AFG2A: variants seen among roughly 807,000 people sequenced by gnomAD.
AFG2A encodes ATPase family gene 2 protein homolog A.
the AFG2A span, among the ~76,000 whole-genome samples, chr4:123,095,364 GT>G: frequency 6.6e-6 from 1 of 152,022 alleles, no homozygotes; most frequent in South Asian, 2.1e-4. Context: ...TCCTTGTCAA[GT>G]TCTCTAAAGT....
At chr4:123,262,536 A>T in the AFG2A span, among the ~76,000 whole-genome samples, 46 of 152,272 alleles carry the variant, frequency 3.0e-4, no homozygotes, top group South Asian at 7.1e-3. Flanking sequence ...GTTCCCTTTG[A>T]CGTCTCTGAA....
the AFG2A span, chr4:123,056,263 TAAAGG>T: frequency 1.2e-6 from 1 of 850,312 alleles, no homozygotes; most frequent in Non-Finnish European, 1.7e-6. Flanking sequence ...ATAAGCATGC[TAAAGG>T]GATTAATAAG....
At chr4:123,124,586 G>A in the AFG2A span, among the ~76,000 whole-genome samples, 6 of 152,004 alleles carry the variant, frequency 3.9e-5, no homozygotes, top group Admixed American at 3.9e-4. Flanking sequence ...ATGTATACAT[G>A]TGTAACAAAC....
chr4:123,075,126 A>G, the AFG2A span, among the ~76,000 whole-genome samples: 1 of 150,300 alleles, frequency 6.7e-6, no homozygotes, highest in East Asian at 2.0e-4. Context: ...GTATTTTTTC[A>G]GTAGAGACGG....
At chr4:122,993,502 T>C in the AFG2A span, among the ~76,000 whole-genome samples, 2 of 152,140 alleles carry the variant, frequency 1.3e-5, no homozygotes, top group Non-Finnish European at 2.9e-5. Flanking sequence ...TATTTTTCCA[T>C]ACCATTGTTA....
chr4:123,096,768 A>G, the AFG2A span, among the ~76,000 whole-genome samples: 2 of 152,112 alleles, frequency 1.3e-5, no homozygotes. Flanking sequence ...CCCAATTGAG[A>G]AAAATTGTGA....
chr4:123,309,479 TTAATAC>T, the AFG2A span, among the ~76,000 whole-genome samples: 39 of 152,226 alleles, frequency 2.6e-4, no homozygotes, highest in Non-Finnish European at 4.8e-4. Context: ...ACCTCACTTC[TTAATAC>T]TAGTAGCATT....
chr4:123,245,348 C>G, the AFG2A span, among the ~76,000 whole-genome samples: 12 of 152,108 alleles, frequency 7.9e-5, no homozygotes, highest in Non-Finnish European at 1.6e-4. Flanking sequence ...TTCTTCACTC[C>G]TATTCTATCT....
chr4:123,290,803 A>G, the AFG2A span, among the ~76,000 whole-genome samples: 1 of 152,180 alleles, frequency 6.6e-6, no homozygotes, highest in East Asian at 1.9e-4. Flanking sequence ...GGTTCCTCCC[A>G]CAACACAAGG....
the AFG2A span, among the ~76,000 whole-genome samples, chr4:122,996,622 T>TAGAC: frequency 6.7e-6 from 1 of 149,508 alleles, no homozygotes; most frequent in Non-Finnish European, 1.5e-5. Flanking sequence ...GATAGATAGA[T>TAGAC]AGGAGAGGAG....
the AFG2A span, among the ~76,000 whole-genome samples, chr4:123,170,609 G>T: frequency 1.3e-5 from 2 of 152,028 alleles, no homozygotes; most frequent in African/African-American, 4.8e-5. Flanking sequence ...TTAACTTAGG[G>T]TAAAGGCTAT....
At chr4:123,287,330 ATAG>A in the AFG2A span, among the ~76,000 whole-genome samples, 44 of 152,284 alleles carry the variant, frequency 2.9e-4, no homozygotes, top group Non-Finnish European at 4.6e-4. Context: ...CTTCAACTCA[ATAG>A]TAGTCAAATC....
At chr4:123,215,478 T>G in the AFG2A span, among the ~76,000 whole-genome samples, 1 of 152,130 alleles carries the variant, frequency 6.6e-6, no homozygotes, top group South Asian at 2.1e-4. Flanking sequence ...GTCCAGTCCC[T>G]CTCCTTTTAC....
chr4:123,042,798 G>GT, the AFG2A span, among the ~76,000 whole-genome samples: 6 of 151,938 alleles, frequency 3.9e-5, no homozygotes, highest in African/African-American at 1.5e-4. Flanking sequence ...TTTATTTATA[G>GT]TTTAAGTTCT....
At chr4:123,056,258 CAT>C in the AFG2A span, 1 of 775,442 alleles carries the variant, frequency 1.3e-6, no homozygotes, top group Non-Finnish European at 1.9e-6. Context: ...AGAAAATAAG[CAT>C]GCTAAAGGGA....
At chr4:123,096,794 C>T in the AFG2A span, among the ~76,000 whole-genome samples, 1 of 152,014 alleles carries the variant, frequency 6.6e-6, no homozygotes, top group East Asian at 1.9e-4. Context: ...ATGTAGAAGT[C>T]TTAAATAATT....
At chr4:123,080,906 A>G in the AFG2A span, among the ~76,000 whole-genome samples, 43 of 152,210 alleles carry the variant, frequency 2.8e-4, no homozygotes, top group South Asian at 6.7e-3. Flanking sequence ...GACTGACATC[A>G]ATAATACTCT....
At chr4:123,111,745 T>A in the AFG2A span, among the ~76,000 whole-genome samples, 1 of 152,078 alleles carries the variant, frequency 6.6e-6, no homozygotes, top group Non-Finnish European at 1.5e-5. Context: ...ATTATTATTA[T>A]TATTATTTTG....
At chr4:123,104,600 G>A in the AFG2A span, among the ~76,000 whole-genome samples, 1 of 152,190 alleles carries the variant, frequency 6.6e-6, no homozygotes, top group Non-Finnish European at 1.5e-5. Flanking sequence ...TAGCCAAGTT[G>A]TAAATGCTAA....
Sources: gnomAD v4.1 joint callset for allele counts (sites outside exome capture counted in the v4.1 genomes callset) on GRCh38, gnomAD v4.1.1 for gene constraint, MANE v1.5 for transcripts, NCBI Gene and HGNC (gene_info 2026-07-23, HGNC 2026-07-21) for gene names.